The following MDGA2 variants were observed in gnomAD, a reference collection of about 807,000 sequenced individuals.
MDGA2 encodes the protein MAM domain-containing glycosylphosphatidylinositol anchor protein 2.
A neutral mutation model predicts 117.8 loss-of-function variants in MDGA2; 40 were observed. The observed-to-expected ratio is 0.34, with a 90% confidence interval of 0.26 to 0.44. The LOEUF is 0.44. MDGA2 is among the 20% of genes least tolerant of loss of function. The pLI is 1.00. For missense variants in MDGA2, 1,123 were observed against 1,250.6 expected, an observed-to-expected ratio of 0.90 and a Z score of 1.54; for synonymous variants, 452 against 439.0, an observed-to-expected ratio of 1.03 and a Z score of -0.37.
chr14:47,636,539 T>C (rs1023708892), intron 1 of MDGA2, among the ~76,000 whole-genome samples: 1 of 152,064 alleles, frequency 6.6e-6, no homozygotes, highest in Admixed American at 6.6e-5. Flanking sequence ...ATCCCAGCAC[T>C]TTGGAAGGCC....
At chr14:47,372,165 T>C (rs1891374407) in intron 1 of MDGA2, among the ~76,000 whole-genome samples, 1 of 151,746 alleles carries the variant, frequency 6.6e-6, no homozygotes, top group Non-Finnish European at 1.5e-5. Context: ...TTAAAAATCA[T>C]ATGAAAATAT....
intron 1 of MDGA2, among the ~76,000 whole-genome samples, chr14:47,331,785 G>A (rs1454886646): frequency 1.3e-5 from 2 of 151,814 alleles, no homozygotes; most frequent in Admixed American, 1.3e-4. Flanking sequence ...CTAGATCAGG[G>A]ACACCTTTGC....
intron 7 of MDGA2, among the ~76,000 whole-genome samples, chr14:47,045,307 T>C (rs1225890143): frequency 6.6e-6 from 1 of 152,166 alleles, no homozygotes; most frequent in African/African-American, 2.4e-5. Context: ...TTCATATAAT[T>C]TGGTTTTCTA....
chr14:47,162,117 T>C (rs1424548605), intron 3 of MDGA2, among the ~76,000 whole-genome samples: 1 of 151,852 alleles, frequency 6.6e-6, no homozygotes, highest in Non-Finnish European at 1.5e-5. Context: ...AGCTAGTTTT[T>C]TGTATTTTTA....
At chr14:47,626,171 G>A (rs1397672393) in intron 1 of MDGA2, among the ~76,000 whole-genome samples, 1 of 152,302 alleles carries the variant, frequency 6.6e-6, no homozygotes, top group South Asian at 2.1e-4. Flanking sequence ...AATCTAGGCT[G>A]AATCCATTTT....
intron 1 of MDGA2, among the ~76,000 whole-genome samples, chr14:47,574,454 T>C (rs976436022): frequency 6.6e-6 from 1 of 152,188 alleles, no homozygotes; most frequent in Non-Finnish European, 1.5e-5. Flanking sequence ...TCCAACTCTG[T>C]ATTTCTTAGT....
At chr14:47,378,924 C>T (rs1891543622) in intron 1 of MDGA2, among the ~76,000 whole-genome samples, 1 of 152,008 alleles carries the variant, frequency 6.6e-6, no homozygotes, top group African/African-American at 2.4e-5. Flanking sequence ...GTCAGATTCA[C>T]CAAAGTTGAA....
At chr14:47,455,911 C>T (rs1039711039) in intron 1 of MDGA2, among the ~76,000 whole-genome samples, 1 of 151,774 alleles carries the variant, frequency 6.6e-6, no homozygotes. Context: ...ACAGGAGAAT[C>T]GCTTGAACCT....
chr14:47,222,483 C>A, intron 2 of MDGA2, among the ~76,000 whole-genome samples: 2 of 152,114 alleles, frequency 1.3e-5, no homozygotes, highest in Middle Eastern at 6.8e-3. Flanking sequence ...TTGACAAACA[C>A]GCAATTGCAG....
intron 5 of MDGA2, among the ~76,000 whole-genome samples, chr14:47,122,153 C>G (rs183551372): frequency 1.8e-4 from 28 of 152,098 alleles, no homozygotes; most frequent in South Asian, 8.3e-4. Context: ...CTATTCCCAT[C>G]ATTATGTTAC....
chr14:47,257,664 C>G (rs1267474946), intron 2 of MDGA2, among the ~76,000 whole-genome samples: 1 of 152,070 alleles, frequency 6.6e-6, no homozygotes, highest in Non-Finnish European at 1.5e-5. Flanking sequence ...ATTTTTTAAA[C>G]TGACTACATA....
chr14:47,608,569 T>C (rs1289950308), intron 1 of MDGA2, among the ~76,000 whole-genome samples: 1 of 152,098 alleles, frequency 6.6e-6, no homozygotes, highest in Non-Finnish European at 1.5e-5. Context: ...GCTATATTAG[T>C]AGGAGATAGG....
At chr14:47,041,914 G>A (rs1341691560) in intron 7 of MDGA2, among the ~76,000 whole-genome samples, 1 of 151,960 alleles carries the variant, frequency 6.6e-6, no homozygotes, top group African/African-American at 2.4e-5. Context: ...AAATATGACT[G>A]TAGTGCACTT....
At chr14:47,446,493 T>C (rs1044466627) in intron 1 of MDGA2, among the ~76,000 whole-genome samples, 5 of 151,974 alleles carry the variant, frequency 3.3e-5, no homozygotes, top group African/African-American at 4.8e-5. Context: ...CACTGTGAAA[T>C]AAATGAAAAT....
At chr14:47,663,888 TATTA>T (rs144913341) in intron 1 of MDGA2, among the ~76,000 whole-genome samples, 2,204 of 152,316 alleles carry the variant, frequency 0.014, 50 homozygotes, top group African/African-American at 0.049. Flanking sequence ...AAATGAAGAC[TATTA>T]ATTAGTCTTG....
chr14:47,117,274 G>A (rs1316698422), intron 5 of MDGA2, among the ~76,000 whole-genome samples: 3 of 152,160 alleles, frequency 2.0e-5, no homozygotes, highest in East Asian at 3.9e-4. Flanking sequence ...CAGCAAGGAT[G>A]TGAAGAAACT....
chr14:47,575,859 T>C (rs970546820), intron 1 of MDGA2, among the ~76,000 whole-genome samples: 1 of 152,238 alleles, frequency 6.6e-6, no homozygotes, highest in Admixed American at 6.5e-5. Context: ...TTAATACTGA[T>C]ATTATGTAAA....
chr14:47,341,811 G>A (rs1396834749), intron 1 of MDGA2, among the ~76,000 whole-genome samples: 1 of 152,076 alleles, frequency 6.6e-6, no homozygotes, highest in Non-Finnish European at 1.5e-5. Context: ...GTGGGAGAGG[G>A]TGTGCCTAGA....
intron 1 of MDGA2, among the ~76,000 whole-genome samples, chr14:47,523,370 C>G (rs1894908486): frequency 6.6e-6 from 1 of 152,010 alleles, no homozygotes; most frequent in East Asian, 1.9e-4. Flanking sequence ...GATATTGACC[C>G]TGAATTATTA....
Sources: allele counts gnomAD v4.1 joint callset (sites outside exome capture counted in the v4.1 genomes callset), GRCh38; gene constraint gnomAD v4.1.1; transcripts MANE v1.5; gene names NCBI Gene and HGNC (gene_info 2026-07-23, HGNC 2026-07-21).